Variants in PRKCE observed in about 807,000 individuals in gnomAD.
PRKCE encodes protein kinase C epsilon.
PRKCE carries 16 observed loss-of-function variants against 85.4 expected under a neutral mutation model. The ratio of observed to expected loss-of-function variants is 0.19; its 90% CI spans 0.13 to 0.28. The LOEUF (loss-of-function observed/expected upper bound fraction) is 0.28, where lower values mean the gene tolerates loss of function less well. PRKCE is among the 10% of genes least tolerant of loss of function. The probability of loss-of-function intolerance (pLI) is 1.00; values close to 1 mark genes in which losing one functional copy is unlikely to be tolerated. For missense variants in PRKCE, 573 were observed against 975.2 expected (o/e 0.59, Z 5.49); for synonymous variants, 388 against 371.5 (o/e 1.04, Z -0.51).
chr2:45,667,738 A>T (rs1675981607), intron 1 of PRKCE, among the ~76,000 whole-genome samples: 2 of 152,252 alleles, frequency 1.3e-5, no homozygotes, highest in South Asian at 4.1e-4. Flanking sequence ...CTGAGTTCCC[A>T]TATACCCCCT....
At chr2:45,844,050 T>C (rs1691578452) in intron 2 of PRKCE, among the ~76,000 whole-genome samples, 1 of 152,176 alleles carries the variant, frequency 6.6e-6, no homozygotes, top group Non-Finnish European at 1.5e-5. Flanking sequence ...AAGCTCAAAG[T>C]CACAATCCCA....
chr2:45,980,145 T>C (rs1047746999), intron 4 of PRKCE, 151 bp from the exon 5 acceptor site: 1 of 622,678 alleles, frequency 1.6e-6, no homozygotes, highest in South Asian at 2.1e-5. Flanking sequence ...GAAATAGCTG[T>C]ATAAAAGACT....
intron 11 of PRKCE, among the ~76,000 whole-genome samples, chr2:46,096,911 A>T: frequency 6.6e-6 from 1 of 152,222 alleles, no homozygotes; most frequent in African/African-American, 2.4e-5. Flanking sequence ...ACTTGGCATA[A>T]ATTGTAATAG....
At chr2:46,028,382 A>C (rs1353357441) in intron 10 of PRKCE, among the ~76,000 whole-genome samples, 1 of 152,266 alleles carries the variant, frequency 6.6e-6, no homozygotes, top group African/African-American at 2.4e-5. Context: ...ATAACTAAGA[A>C]GATGCCAAAC....
At chr2:45,807,865 C>T (rs997935291) in intron 1 of PRKCE, among the ~76,000 whole-genome samples, 2 of 152,000 alleles carry the variant, frequency 1.3e-5, no homozygotes, top group East Asian at 1.9e-4. Flanking sequence ...CTGCCCCACC[C>T]GATTTCTACT....
intron 4 of PRKCE, among the ~76,000 whole-genome samples, chr2:45,979,890 C>T (rs1229737229): frequency 6.6e-6 from 1 of 152,144 alleles, no homozygotes; most frequent in East Asian, 1.9e-4. Flanking sequence ...TGCTGCAGTT[C>T]CCCCTATCAC....
Position 45,755,668 on chromosome 2 carries a change from C to A in PRKCE, c.349-87332C>A, listed in dbSNP as rs149553728. ...TGGATTTTATGCTGCATGAGGGCAG[C>A]GATTCCCCTTGATTTCTCTGTCTAT... On this transcript the variant is annotated intron_variant, in intron 1 of 14. Transcript: ENST00000306156. Among the ~76,000 whole-genome samples the A allele has an allele frequency of 4.6e-5, 7 of 152,318 alleles. No homozygotes were observed. In the East Asian group the frequency reaches 1.3e-3, roughly 29 times the overall value.
chr2:46,149,713 TTTTATATATATGTA>T (rs35317391), intron 12 of PRKCE, among the ~76,000 whole-genome samples: 108,529 of 145,430 alleles, frequency 0.75, 42,089 homozygotes, highest in East Asian at 0.94. Flanking sequence ...ATATATGTAT[TTTTATATATATGTA>T]TTTATATATA....
At chr2:45,831,377 TAA>T (rs1690410531) in intron 1 of PRKCE, among the ~76,000 whole-genome samples, 3 of 151,986 alleles carry the variant, frequency 2.0e-5, no homozygotes, top group Admixed American at 6.6e-5. Context: ...AGGTTAAGAG[TAA>T]AGACAAAAAT....
chr2:45,873,697 T>C (rs7593675), intron 2 of PRKCE, among the ~76,000 whole-genome samples: 134,828 of 152,258 alleles, frequency 0.89, 60,059 homozygotes, highest in East Asian at 0.99. Flanking sequence ...CTCCCGGAGA[T>C]CTTTGTCTCC....
At chr2:45,929,828 A>G (rs967455267) in intron 2 of PRKCE, among the ~76,000 whole-genome samples, 2 of 148,584 alleles carry the variant, frequency 1.3e-5, no homozygotes, top group African/African-American at 5.0e-5. Flanking sequence ...CCTCCCTTTT[A>G]GTGCCATATT....
intron 2 of PRKCE, among the ~76,000 whole-genome samples, chr2:45,908,777 G>A (rs1321146837): frequency 6.6e-6 from 1 of 152,146 alleles, no homozygotes; most frequent in Non-Finnish European, 1.5e-5. Flanking sequence ...GATCTCTCCG[G>A]GAGAATGTTG....
intron 1 of PRKCE, among the ~76,000 whole-genome samples, chr2:45,768,194 T>G (rs956916017): frequency 6.6e-5 from 10 of 151,176 alleles, no homozygotes; most frequent in African/African-American, 2.5e-4. Flanking sequence ...CTTAGGAAAT[T>G]TGACCATTTT....
intron 1 of PRKCE, among the ~76,000 whole-genome samples, chr2:45,812,119 C>G (rs182144157): frequency 6.6e-6 from 1 of 152,208 alleles, no homozygotes; most frequent in Non-Finnish European, 1.5e-5. Flanking sequence ...GGGTGAGTCA[C>G]CCCACCTCTC....
chr2:45,925,399 C>G (rs1033299577), intron 2 of PRKCE, among the ~76,000 whole-genome samples: 1 of 152,106 alleles, frequency 6.6e-6, no homozygotes, highest in Admixed American at 6.5e-5. Context: ...CAGATTCAAG[C>G]GATTCTCCTG....
At chr2:45,820,069 A>T (rs1325094851) in intron 1 of PRKCE, among the ~76,000 whole-genome samples, 1 of 152,108 alleles carries the variant, frequency 6.6e-6, no homozygotes, top group Non-Finnish European at 1.5e-5. Context: ...AAAATAAAGG[A>T]GGATGTTTTA....
intron 2 of PRKCE, among the ~76,000 whole-genome samples, chr2:45,957,325 T>C (rs532675363): frequency 2.0e-5 from 3 of 152,266 alleles, no homozygotes; most frequent in Non-Finnish European, 4.4e-5. Context: ...GCTTATTTTT[T>C]ATGCATGGAC....
intron 1 of PRKCE, among the ~76,000 whole-genome samples, chr2:45,760,597 T>G (rs933169616): frequency 1.3e-5 from 2 of 152,218 alleles, no homozygotes; most frequent in African/African-American, 4.8e-5. Flanking sequence ...GTGGCTAAGC[T>G]GGCAAGGTCC....
intron 10 of PRKCE, among the ~76,000 whole-genome samples, chr2:46,052,587 T>C (rs1004853938): frequency 6.6e-6 from 1 of 152,258 alleles, no homozygotes; most frequent in African/African-American, 2.4e-5. Flanking sequence ...GATCTCTACA[T>C]TCAATGCAGT....
Sources: allele counts gnomAD v4.1 joint callset (sites outside exome capture counted in the v4.1 genomes callset), GRCh38; gene constraint gnomAD v4.1.1; transcripts MANE v1.5; gene names NCBI Gene and HGNC (gene_info 2026-07-23, HGNC 2026-07-21).